MYT1: variants seen among roughly 807,000 people sequenced by gnomAD.
The protein encoded by MYT1 is myelin transcription factor I.
In MYT1, 23 loss-of-function variants were observed where a neutral mutation model predicts 123.0. That is an observed-to-expected ratio of 0.19 (90% CI 0.13 to 0.26). MYT1 has a LOEUF of 0.26. Ranked by LOEUF, MYT1 falls within the 10% of genes least tolerant of loss-of-function variation. MYT1 has a pLI of 1.00. For synonymous variants in MYT1, 518 were observed against 575.3 expected (o/e 0.90, Z 1.43); for missense variants, 1,125 against 1,472.5 (o/e 0.76, Z 3.86).
At chr20:64,225,238 C>T (rs547293815) in intron 16 of MYT1, among the ~76,000 whole-genome samples, 1 of 152,218 alleles carries the variant, frequency 6.6e-6, no homozygotes, top group Non-Finnish European at 1.5e-5. Flanking sequence ...TCTCTGCCAC[C>T]TCCTGTGTGA....
intron 8 of MYT1, 48 bp downstream of exon 8, chr20:64,211,388 C>T: frequency 1.3e-6 from 2 of 1,568,526 alleles, no homozygotes; most frequent in Middle Eastern, 1.7e-4. Flanking sequence ...GCTCACGCTG[C>T]CTCTGTGGTG....
intron 19 of MYT1, among the ~76,000 whole-genome samples, chr20:64,236,193 C>CGTGGTGGGTGACCCTGGGCTGGCT (rs1568723043): frequency 0.026 from 917 of 35,924 alleles, 252 homozygotes; most frequent in African/African-American, 0.07. Flanking sequence ...CTGGGATGGC[C>CGTGGTGGGTGACCCTGGGCTGGCT]GTGGTGGGTG....
rs1410968821 is a variant in MYT1 at position 64,207,633 on chromosome 20, T to C, written c.437T>C (p.Ile146Thr). Reference protein sequence around the residue: ...PVKSHFGSNPIGSATASSKGS... With the variant: ...PVKSHFGSNPTGSATASSKGS... ...AAGTCCCATTTTGGATCCAACCCCA[T>C]CGGCAGCGCCACTGCCTCCTCCAAG... Residue 146 changes from isoleucine to threonine, a missense_variant, in exon 7 of 23, where the codon ATC becomes ACC. Ile to Thr is a moderately conservative substitution (Grantham distance 89). Transcript: ENST00000328439. 1.2e-6 allele frequency: 2 copies of C among 1,613,746 alleles called. No individual in the cohort carries two copies. The highest frequency in any genetic ancestry group is 3.3e-5 in the Admixed American group (2 of 60,016).
At chr20:64,182,282 G>C (rs1226716714) in intron 1 of MYT1, among the ~76,000 whole-genome samples, 1 of 152,242 alleles carries the variant, frequency 6.6e-6, no homozygotes, top group Non-Finnish European at 1.5e-5. Context: ...GCCCTCTCCA[G>C]GGAAGTGGCG....
intron 15 of MYT1, 30 bp from the exon 16 acceptor site, chr20:64,223,261 T>A: frequency 1.2e-6 from 2 of 1,613,948 alleles, no homozygotes; most frequent in East Asian, 4.5e-5. Flanking sequence ...CTCTTTGGCT[T>A]ACCCCAATAT....
At chr20:64,222,187 T>C (rs1242508874) in intron 14 of MYT1, 140 bp downstream of exon 14, 2 of 852,226 alleles carry the variant, frequency 2.3e-6, no homozygotes, top group Non-Finnish European at 3.6e-6. Flanking sequence ...CCAGGCAGCC[T>C]GTGACAGGAG....
chr20:64,204,266 T>C (rs1056955425), intron 4 of MYT1, among the ~76,000 whole-genome samples: 2 of 152,174 alleles, frequency 1.3e-5, no homozygotes, highest in Non-Finnish European at 2.9e-5. Flanking sequence ...TTTGGTTATA[T>C]AGGGAGACAG....
chr20:64,222,198 C>G (rs542752581), intron 14 of MYT1, 151 bp downstream of exon 14: 1 of 759,812 alleles, frequency 1.3e-6, no homozygotes, highest in African/African-American at 1.8e-5. Flanking sequence ...GTGACAGGAG[C>G]CAGGGTATTC....
At chr20:64,234,176 A>ACATTTCATTG (rs1366592026) in intron 19 of MYT1, among the ~76,000 whole-genome samples, 1 of 152,204 alleles carries the variant, frequency 6.6e-6, no homozygotes, top group Non-Finnish European at 1.5e-5. Flanking sequence ...AAATGAAATC[A>ACATTTCATTG]TGCTTGAGAA....
chr20:64,176,674 C>A (rs1298593480), intron 1 of MYT1, among the ~76,000 whole-genome samples: 1 of 152,240 alleles, frequency 6.6e-6, no homozygotes, highest in Non-Finnish European at 1.5e-5. Flanking sequence ...CTGCGTGGAG[C>A]AGTGTGGAGT....
intron 18 of MYT1, among the ~76,000 whole-genome samples, chr20:64,230,942 G>A (rs1271556490): frequency 2.6e-5 from 4 of 152,188 alleles, no homozygotes; most frequent in Non-Finnish European, 1.5e-5. Context: ...GGGGCAAGGA[G>A]CCGGACGCTG....
At chr20:64,171,201 G>T (rs1448391156) in intron 1 of MYT1, among the ~76,000 whole-genome samples, 1 of 152,006 alleles carries the variant, frequency 6.6e-6, no homozygotes, top group Non-Finnish European at 1.5e-5. Context: ...TTACAGGTGT[G>T]AGCCACTGTG....
intron 1 of MYT1, among the ~76,000 whole-genome samples, chr20:64,178,936 A>G (rs61048510): frequency 5.0e-4 from 48 of 96,898 alleles, no homozygotes; most frequent in Admixed American, 1.1e-3. Context: ...GCCGTTATTC[A>G]GTGGGATACC....
chr20:64,195,664 G>A (rs981089805), intron 2 of MYT1, among the ~76,000 whole-genome samples: 1 of 152,180 alleles, frequency 6.6e-6, no homozygotes, highest in Admixed American at 6.5e-5. Flanking sequence ...TTAAAGTGCT[G>A]GGATTACAGA....
intron 1 of MYT1, among the ~76,000 whole-genome samples, chr20:64,173,406 G>T (rs1336637058): frequency 6.6e-6 from 1 of 152,134 alleles, no homozygotes; most frequent in African/African-American, 2.4e-5. Flanking sequence ...GAGATGGTCA[G>T]GGGAGCAGGA....
intron 19 of MYT1, among the ~76,000 whole-genome samples, chr20:64,234,332 C>G (rs567381681): frequency 2.6e-5 from 4 of 152,252 alleles, no homozygotes; most frequent in Admixed American, 2.6e-4. Context: ...TGCAAAGTAC[C>G]GGCAAGTGGG....
intron 21 of MYT1, among the ~76,000 whole-genome samples, chr20:64,238,111 G>GAAAA (rs11471444): frequency 1.5e-4 from 22 of 148,926 alleles, no homozygotes; most frequent in African/African-American, 3.2e-4. Context: ...TTTGTAATCA[G>GAAAA]AAAAAAAAAA....
chr20:64,185,594 T>G lies in MYT1; in HGVS notation c.-98-4469T>G, dbSNP rs909507284. On this transcript the variant is annotated intron_variant, in intron 1 of 22. Coordinates refer to ENST00000328439, the MANE Select transcript of MYT1 (RefSeq NM_004535.3). The surrounding 1 kb of genome is among the most constrained non-coding windows in gnomAD (Gnocchi z 4.5). ...GGGGGTCAGGTTGCCAGGGCTGGAG[T>G]GGATCAGAGCTAACTGCCACAGGGA... 2.0e-5 allele frequency among the ~76,000 whole-genome samples: 3 copies of G among 151,624 alleles called. No individual in the cohort carries two copies. The highest frequency in any genetic ancestry group is 2.9e-5 in the Non-Finnish European group (2 of 67,862).
rs1450632384 is a variant in MYT1, at chr20:64,166,190, C to T, written c.-99+1451C>T. Among the ~76,000 whole-genome samples the T allele has an allele frequency of 1.3e-5, 2 of 152,216 alleles. No homozygotes were observed. Among genetic ancestry groups the T allele is most frequent in the African/African-American group, 4.8e-5 (2 of 41,448 alleles). On this transcript the variant is annotated intron_variant, in intron 1 of 22. Transcript: ENST00000328439. This position sits in a 1 kb window ranked among gnomAD's most constrained non-coding sequence, Gnocchi z 4.9. ...GAGTAAGAGAGCAGGGATTGGAGTC[C>T]TGTGGTACCAGCCAGGGTGCTGCTA...
Sources: allele counts gnomAD v4.1 joint callset (sites outside exome capture counted in the v4.1 genomes callset), GRCh38; gene constraint gnomAD v4.1.1; non-coding constraint Gnocchi (gnomAD v3.1); transcripts MANE v1.5; gene names NCBI Gene and HGNC (gene_info 2026-07-23, HGNC 2026-07-21).